The following ROBO1 variants were observed in gnomAD, a reference collection of about 807,000 sequenced individuals.
The protein encoded by ROBO1 is roundabout homolog 1.
Under a neutral mutation model 195.9 loss-of-function variants are expected in ROBO1, and 149 were observed. That is an observed-to-expected ratio of 0.76 (90% CI 0.67 to 0.87). The LOEUF is 0.87. Ranked by LOEUF, ROBO1 falls within the 40% of genes least tolerant of loss-of-function variation. The probability of loss-of-function intolerance (pLI) is 0.00; values close to 1 mark genes in which losing one functional copy is unlikely to be tolerated. For missense variants in ROBO1, 1,933 were observed against 2,068.3 expected (o/e 0.93, Z 1.27); for synonymous variants, 816 against 733.2 (o/e 1.11, Z -1.82).
chr3:79,721,378 A>T lies in ROBO1; in HGVS notation c.-51+46374T>A, dbSNP rs1290141922. On this transcript the variant is annotated intron_variant, in intron 1 of 30. Transcript: ENST00000464233. ...TGTTTATATCATAAAAAAACTAAAA[A>T]AAAGTACCAAAACAGTCTCTTATGA... Among the ~76,000 whole-genome samples the T allele has an allele frequency of 2.0e-5, 3 of 152,204 alleles. No homozygotes were observed. The East Asian group carries it at 5.8e-4, about 29-fold the overall frequency.
At position 79,661,279 on chromosome 3, in the gene ROBO1, G is replaced by A. The variant is rs1175037457; in HGVS notation, c.-50-71318C>T. Among the ~76,000 whole-genome samples, 4 of 152,008 alleles carry A rather than the reference G, an allele frequency of 2.6e-5. No individual in the cohort carries two copies. In the East Asian group the frequency reaches 7.7e-4, roughly 29 times the overall value. On this transcript the variant is annotated intron_variant, in intron 1 of 30. Transcript: ENST00000464233. The stretch of plus-strand genomic sequence containing the variant: ...TGACTGATTGATGCAGAAAGATCTG[G>A]CTATGCTCTCTTTCCCTCATTTCCC...
At chr3:79,165,595 A>G (rs2081050037) in intron 2 of ROBO1, among the ~76,000 whole-genome samples, 2 of 152,242 alleles carry the variant, frequency 1.3e-5, no homozygotes, top group African/African-American at 4.8e-5. Flanking sequence ...GGATTTCCAC[A>G]AATTTTAAAG....
chr3:79,741,612 T>A (rs1054949710), intron 1 of ROBO1, among the ~76,000 whole-genome samples: 1 of 152,156 alleles, frequency 6.6e-6, no homozygotes, highest in African/African-American at 2.4e-5. Flanking sequence ...AAATGCCATG[T>A]GTTGGGAGTG....
At chr3:79,228,089 C>T (rs2082258780) in intron 2 of ROBO1, among the ~76,000 whole-genome samples, 1 of 152,004 alleles carries the variant, frequency 6.6e-6, no homozygotes, top group Admixed American at 6.6e-5. Context: ...CTGTTTAACA[C>T]AAGCCTCTCA....
chr3:79,316,991 C>G (rs1195514975), intron 2 of ROBO1, among the ~76,000 whole-genome samples: 1 of 152,100 alleles, frequency 6.6e-6, no homozygotes, highest in Non-Finnish European at 1.5e-5. Context: ...CCAAATGCAT[C>G]TGAACATACA....
At chr3:79,475,009 T>C (rs926876651) in intron 2 of ROBO1, among the ~76,000 whole-genome samples, 1 of 152,042 alleles carries the variant, frequency 6.6e-6, no homozygotes, top group South Asian at 2.1e-4. Context: ...CTTAGAAGGA[T>C]ACATCTTATA....
At chr3:78,849,879 G>C (rs970404677) in intron 4 of ROBO1, among the ~76,000 whole-genome samples, 2 of 132,400 alleles carry the variant, frequency 1.5e-5, no homozygotes, top group Non-Finnish European at 3.1e-5. Flanking sequence ...CACTCTTATA[G>C]TCATGCACTG....
intron 1 of ROBO1, among the ~76,000 whole-genome samples, chr3:79,717,892 G>A (rs1056594051): frequency 1.3e-5 from 2 of 151,990 alleles, no homozygotes; most frequent in Non-Finnish European, 2.9e-5. Context: ...TGGGAAAGAC[G>A]TGGAAGGAGA....
intron 29 of ROBO1, 21 bp downstream of exon 29, chr3:78,606,712 G>C: frequency 2.7e-5 from 43 of 1,607,534 alleles, no homozygotes; most frequent in Non-Finnish European, 3.7e-5. Context: ...GTATTTATTT[G>C]CTGCTTGATT....
At chr3:79,667,851 G>A (rs188108776) in intron 1 of ROBO1, among the ~76,000 whole-genome samples, 81 of 151,322 alleles carry the variant, frequency 5.4e-4, no homozygotes, top group African/African-American at 1.7e-3. Context: ...TTACCTTTAC[G>A]TTTAACAATT....
intron 4 of ROBO1, among the ~76,000 whole-genome samples, chr3:78,899,663 ATCGT>A (rs2037465496): frequency 6.6e-6 from 1 of 152,194 alleles, no homozygotes. Context: ...AATATTAAAC[ATCGT>A]TCTTTCATTT....
chr3:78,773,288 A>G lies in ROBO1; in HGVS notation c.500-26388T>C, dbSNP rs191434094. Among the ~76,000 whole-genome samples the G allele has an allele frequency of 4.2e-4, 64 of 152,246 alleles. No homozygotes were observed. In the East Asian group the frequency reaches 7.1e-3, roughly 17 times the overall value. On this transcript the variant is annotated intron_variant, in intron 4 of 30. Coordinates refer to ENST00000464233, the MANE Select transcript of ROBO1 (RefSeq NM_002941.4). ...TTTAATCCTAAAATCAGTATCAATT[A>G]GTTTAATTTTAAAATCAGTACCCAT...
intron 3 of ROBO1, among the ~76,000 whole-genome samples, chr3:79,098,754 G>A (rs951292183): frequency 5.9e-5 from 9 of 151,830 alleles, no homozygotes; most frequent in African/African-American, 7.2e-5. Context: ...GAAGGCCATA[G>A]AAGAGGCTTT....
At chr3:79,276,896 G>A (rs535624402) in intron 2 of ROBO1, among the ~76,000 whole-genome samples, 7 of 152,102 alleles carry the variant, frequency 4.6e-5, no homozygotes, top group African/African-American at 7.2e-5. Flanking sequence ...TCAGATAAAT[G>A]CAAATCAAAA....
chr3:79,259,624 T>C (rs77364453), intron 2 of ROBO1, among the ~76,000 whole-genome samples: 263 of 152,084 alleles, frequency 1.7e-3, no homozygotes, highest in African/African-American at 5.9e-3. Flanking sequence ...CTTTCTACTC[T>C]CTATATCCAC....
At chr3:79,140,446 T>C (rs2080501409) in intron 2 of ROBO1, among the ~76,000 whole-genome samples, 1 of 152,082 alleles carries the variant, frequency 6.6e-6, no homozygotes, top group Non-Finnish European at 1.5e-5. Flanking sequence ...TATTTATTGA[T>C]TGGCCTCAGT....
chr3:79,053,901 T>C (rs544835579), intron 3 of ROBO1, among the ~76,000 whole-genome samples: 1 of 152,262 alleles, frequency 6.6e-6, no homozygotes, highest in East Asian at 1.9e-4. Flanking sequence ...AATGTGTCAT[T>C]ATGTACCTCT....
chr3:79,581,436 C>T (rs1482730588), intron 2 of ROBO1, among the ~76,000 whole-genome samples: 2 of 152,070 alleles, frequency 1.3e-5, no homozygotes, highest in Non-Finnish European at 2.9e-5. Context: ...ATTACAAATA[C>T]GAGTTTCTTC....
Position 78,836,859 on chromosome 3 carries a change from C to A in ROBO1, c.500-89959G>T, listed in dbSNP as rs373865156. Among the ~76,000 whole-genome samples, 64 of 152,194 alleles carry A rather than the reference C, an allele frequency of 4.2e-4. 2 individuals are homozygous for A. The highest frequency in any genetic ancestry group is 2.3e-3 in the Admixed American group (35 of 15,280). ...GCTCAAATCTCATAACTTCTAAAAT[C>A]ATTTTTCATACTAAAAGAAAGGGGA... On this transcript the variant is annotated intron_variant, in intron 4 of 30. Coordinates refer to ENST00000464233, the MANE Select transcript of ROBO1 (RefSeq NM_002941.4).
Sources: allele counts gnomAD v4.1 joint callset (sites outside exome capture counted in the v4.1 genomes callset), GRCh38; gene constraint gnomAD v4.1.1; transcripts MANE v1.5; gene names NCBI Gene and HGNC (gene_info 2026-07-23, HGNC 2026-07-21).